SLC35F4: variants seen among roughly 807,000 people sequenced by gnomAD.
SLC35F4 encodes the protein chromosome 14 open reading frame 36.
SLC35F4 carries 24 observed loss-of-function variants against 44.2 expected under a neutral mutation model. The ratio of observed to expected loss-of-function variants is 0.54; its 90% CI spans 0.39 to 0.76. The LOEUF is 0.76. SLC35F4 is among the 30% of genes least tolerant of loss of function. SLC35F4 has a pLI of 0.00. For missense variants in SLC35F4, 562 were observed against 586.1 expected (o/e 0.96, Z 0.42); for synonymous variants, 238 against 223.6 (o/e 1.06, Z -0.57).
intron 4 of SLC35F4, chr14:57,578,613 G>C (rs9671923): frequency 1.3e-5 from 2 of 151,556 alleles, no homozygotes; most frequent in African/African-American, 4.9e-5. Flanking sequence ...TAAATTACAC[G>C]TTACCATTCT....
rs1156923431 is a variant in SLC35F4 at position 57,569,718 on chromosome 14, A to G, written c.1126+70T>C. 22 of 1,413,028 alleles carry G rather than the reference A, an allele frequency of 1.6e-5. No individual in the cohort carries two copies. In the Admixed American group the frequency reaches 2.6e-4, roughly 16 times the overall value. 87.5% of individuals were successfully genotyped at this position (1,413,028 alleles called of 1,614,324 possible). A position where few individuals can be genotyped will look rare whatever the true frequency, so the allele number is the denominator to read the frequency against. ...CAGAGTTACCCAAGGAAATAATCCTATGATGATAATCTAACTAGCCAAAGA... is the reference window on the plus strand; with the variant it reads ...CAGAGTTACCCAAGGAAATAATCCTGTGATGATAATCTAACTAGCCAAAGA... On this transcript the variant is annotated intron_variant, in intron 6 of 7. Transcript: ENST00000556826.
intron 1 of SLC35F4, among the ~76,000 whole-genome samples, chr14:57,876,328 T>C (rs1017527201): frequency 1.3e-5 from 2 of 152,306 alleles, no homozygotes; most frequent in Admixed American, 1.3e-4. Flanking sequence ...AGAGTGAAGA[T>C]CTGATTGCCT....
intron 1 of SLC35F4, among the ~76,000 whole-genome samples, chr14:57,614,171 G>A (rs551207006): frequency 5.4e-5 from 8 of 147,186 alleles, no homozygotes; most frequent in African/African-American, 1.7e-4. Context: ...TTTGCAGTGG[G>A]GAAACACATA....
intron 1 of SLC35F4, among the ~76,000 whole-genome samples, chr14:57,931,225 A>G (rs1205133591): frequency 1.3e-5 from 2 of 152,178 alleles, no homozygotes; most frequent in Non-Finnish European, 2.9e-5. Context: ...TTAGTATCCA[A>G]TTTCATGGAT....
At chr14:57,590,167 A>T (rs1268539151) in intron 2 of SLC35F4, among the ~76,000 whole-genome samples, 2 of 144,566 alleles carry the variant, frequency 1.4e-5, no homozygotes, top group African/African-American at 5.1e-5. Context: ...AGGTGGGAGG[A>T]TCACTTGAAT....
intron 1 of SLC35F4, among the ~76,000 whole-genome samples, chr14:57,620,537 G>A (rs1168943690): frequency 3.3e-5 from 5 of 152,152 alleles, no homozygotes; most frequent in Non-Finnish European, 7.3e-5. Context: ...GCTCCTGAAG[G>A]AAGCACTAAA....
chr14:57,954,948 TAAAA>T (rs35919238), intron 1 of SLC35F4, among the ~76,000 whole-genome samples: 4 of 107,082 alleles, frequency 3.7e-5, no homozygotes, highest in Non-Finnish European at 5.9e-5. Context: ...TCATCCTGAT[TAAAA>T]AAAAAAAAAA....
At chr14:57,612,748 T>G (rs557326145) in intron 1 of SLC35F4, among the ~76,000 whole-genome samples, 96 of 152,320 alleles carry the variant, frequency 6.3e-4, no homozygotes, top group African/African-American at 2.3e-3. Flanking sequence ...TCTTATCATC[T>G]CCAACTACGC....
intron 1 of SLC35F4, among the ~76,000 whole-genome samples, chr14:57,700,044 T>C (rs558126833): frequency 9.2e-5 from 14 of 152,302 alleles, no homozygotes; most frequent in Non-Finnish European, 2.1e-4. Flanking sequence ...ACTATATTTT[T>C]TCCTATACAA....
rs115377653 is a variant in SLC35F4 at position 57,623,091 on chromosome 14, G to A, written c.104-28967C>T. Among the ~76,000 whole-genome samples the A allele has an allele frequency of 3.8e-3, 579 of 152,076 alleles. 3 individuals are homozygous for A. The highest frequency in any genetic ancestry group is 0.014 in the African/African-American group (566 of 41,500). On this transcript the variant is annotated intron_variant, in intron 1 of 7. Coordinates refer to ENST00000556826, the MANE Select transcript of SLC35F4 (RefSeq NM_001306087.2). Reference sequence around the variant, plus strand: ...CCATCTCACTTGCAAATCACACATAGGCTCTAAAATAAGAGATGGAAGAAT... The same window carrying A: ...CCATCTCACTTGCAAATCACACATAAGCTCTAAAATAAGAGATGGAAGAAT...
intron 1 of SLC35F4, among the ~76,000 whole-genome samples, chr14:57,729,058 T>C (rs1165931377): frequency 6.6e-6 from 1 of 152,186 alleles, no homozygotes; most frequent in East Asian, 1.9e-4. Flanking sequence ...TGTTGTTTCT[T>C]CTCTCTTGCT....
chr14:57,927,761 G>T (rs555485440), intron 1 of SLC35F4, among the ~76,000 whole-genome samples: 15 of 152,082 alleles, frequency 9.9e-5, no homozygotes, highest in Admixed American at 8.5e-4. Flanking sequence ...AAAGTGCTGG[G>T]ATTACAGGCA....
At chr14:57,667,624 G>A (rs1322652588) in intron 1 of SLC35F4, among the ~76,000 whole-genome samples, 1 of 151,578 alleles carries the variant, frequency 6.6e-6, no homozygotes, top group Non-Finnish European at 1.5e-5. Context: ...TGAGAATGAT[G>A]GTTTCCAGCT....
chr14:57,705,228 T>C (rs2075641676), intron 1 of SLC35F4, among the ~76,000 whole-genome samples: 1 of 152,130 alleles, frequency 6.6e-6, no homozygotes, highest in South Asian at 2.1e-4. Context: ...TCAAACCTAC[T>C]GCAAATGGAA....
chr14:57,850,477 A>C (rs1053742064), intron 1 of SLC35F4, among the ~76,000 whole-genome samples: 4 of 152,240 alleles, frequency 2.6e-5, no homozygotes, highest in African/African-American at 9.6e-5. Flanking sequence ...TGCTTCTGGA[A>C]ACCATGATTG....
chr14:57,675,290 C>G (rs1249675141), intron 1 of SLC35F4, among the ~76,000 whole-genome samples: 1 of 151,874 alleles, frequency 6.6e-6, no homozygotes, highest in African/African-American at 2.4e-5. Flanking sequence ...TATTGAACTC[C>G]GGGAAATGAT....
At chr14:57,755,767 G>A (rs1222895439) in intron 1 of SLC35F4, among the ~76,000 whole-genome samples, 1 of 152,040 alleles carries the variant, frequency 6.6e-6, no homozygotes, top group African/African-American at 2.4e-5. Context: ...TGTCTTATTT[G>A]ACCTCACAAT....
chr14:57,598,778 T>C (rs2070640011), intron 1 of SLC35F4, among the ~76,000 whole-genome samples: 1 of 152,166 alleles, frequency 6.6e-6, no homozygotes, highest in Admixed American at 6.5e-5. Flanking sequence ...CTTATCCCTA[T>C]TTGCCCCAAA....
intron 1 of SLC35F4, among the ~76,000 whole-genome samples, chr14:57,671,975 C>T (rs927123346): frequency 1.3e-5 from 2 of 152,022 alleles, no homozygotes; most frequent in Non-Finnish European, 2.9e-5. Context: ...AGCATTTTCT[C>T]AATAAATCTC....
Sources: allele counts gnomAD v4.1 joint callset (sites outside exome capture counted in the v4.1 genomes callset), GRCh38; gene constraint gnomAD v4.1.1; transcripts MANE v1.5; gene names NCBI Gene and HGNC (gene_info 2026-07-23, HGNC 2026-07-21).